Variants in ILDR2 observed in about 807,000 individuals in gnomAD.
ILDR2 encodes immunoglobulin like domain containing receptor 2, also known as immunoglobulin-like domain-containing receptor 2.
ILDR2 carries 25 observed loss-of-function variants against 66.8 expected under a neutral mutation model. That is an observed-to-expected ratio of 0.37 (90% CI 0.27 to 0.52). ILDR2 has a LOEUF of 0.52. Among genes scored for constraint, ILDR2 ranks in the 20% least tolerant of loss-of-function variants. The pLI, the probability that ILDR2 is intolerant of heterozygous loss-of-function variation, is 0.88. For missense variants in ILDR2, 827 were observed against 876.8 expected (o/e 0.94, Z 0.72); for synonymous variants, 367 against 357.2 (o/e 1.03, Z -0.31).
intron 1 of ILDR2, among the ~76,000 whole-genome samples, chr1:166,966,428 G>T (rs942268841): frequency 1.3e-5 from 2 of 152,140 alleles, no homozygotes. Flanking sequence ...AGTCTCAAAA[G>T]CAGCAATATG....
intron 9 of ILDR2, 77 bp downstream of exon 9, chr1:166,920,630 A>G: frequency 7.6e-7 from 1 of 1,314,754 alleles, no homozygotes; most frequent in South Asian, 2.4e-5. Context: ...CCCGGCCCCC[A>G]GACAGCGACA....
chr1:166,955,568 A>G (rs1662228686), intron 3 of ILDR2, among the ~76,000 whole-genome samples: 1 of 152,232 alleles, frequency 6.6e-6, no homozygotes, highest in African/African-American at 2.4e-5. Context: ...GAGCCACTGC[A>G]ATCCATCCTG....
In ILDR2 at chr1:166,920,996, G is replaced by A; in HGVS notation, c.1595C>T (p.Ala532Val). Residue 532 changes from alanine to valine, a missense_variant, in exon 9 of 10, where the codon GCG becomes GTG. Ala to Val is a moderately conservative substitution (Grantham distance 64, BLOSUM62 0). Coordinates refer to ENST00000271417, the MANE Select transcript of ILDR2 (RefSeq NM_199351.3). The part of the protein sequence containing the change: ...PKYDHSYLGS[A>V]RERQARPEGA... ...CTCGGGCCGCGCCTGGCGCTCCCGC[G>A]CGCTGCCCAGGTACGAGTGGTCGTA... The A allele has an allele frequency of 2.0e-6, 3 of 1,499,982 alleles. No homozygotes were observed. Among genetic ancestry groups the A allele is most frequent in the Admixed American group, 2.3e-5 (1 of 43,818 alleles). The allele number at this position is 1,499,982 out of a possible 1,614,324, so 92.9% of individuals were successfully genotyped here. A position where few individuals can be genotyped will look rare whatever the true frequency, so the allele number is the denominator to read the frequency against.
intron 2 of ILDR2, among the ~76,000 whole-genome samples, chr1:166,898,895 A>G (rs570221283): frequency 5.5e-5 from 8 of 146,244 alleles, no homozygotes; most frequent in Admixed American, 2.7e-4. Flanking sequence ...TCCCATCTTA[A>G]AAAAAAAAAA....
Position 166,908,247 on chromosome 1 carries a change from T to C in ILDR2, c.*11108A>G, listed in dbSNP as rs1185107889. On this transcript the variant is annotated 3_prime_UTR_variant, in exon 10 of 10. Transcript: ENST00000271417. Reference sequence around the variant, plus strand: ...TAGAATCTGGGAAGTCCAAGCTCAGTGCACCAATACATTCAGTTCCTGGCG... The same window carrying C: ...TAGAATCTGGGAAGTCCAAGCTCAGCGCACCAATACATTCAGTTCCTGGCG... 6.6e-6 allele frequency: 1 copy of C among 152,246 alleles called. No homozygotes were observed. The highest frequency in any genetic ancestry group is 2.4e-5 in the African/African-American group (1 of 41,452). 9.4% of individuals were successfully genotyped at this position (152,246 alleles called of 1,614,324 possible). A position where few individuals can be genotyped will look rare whatever the true frequency, so the allele number is the denominator to read the frequency against.
Position 166,921,448 on chromosome 1 carries a change from G to GCACCCATC in ILDR2, c.1212-77_1212-70dup, listed in dbSNP as rs1230115439. On this transcript the variant is annotated intron_variant, in intron 8 of 9. Coordinates refer to ENST00000271417, the MANE Select transcript of ILDR2 (RefSeq NM_199351.3). This position sits in a 1 kb window ranked among gnomAD's most constrained non-coding sequence, Gnocchi z 5.3. ...GGAGCTCCAGGTAGGGCTCCCAAGA[G>GCACCCATC]CACCCATCGTGTCCTGGGGCCACGC... 9 of 1,346,940 alleles carry GCACCCATC rather than the reference G, an allele frequency of 6.7e-6. No homozygotes were observed. Among genetic ancestry groups the GCACCCATC allele is most frequent in the Non-Finnish European group, 9.0e-6 (9 of 999,366 alleles). The allele number at this position is 1,346,940 out of a possible 1,614,324, so 83.4% of individuals were successfully genotyped here. A position where few individuals can be genotyped will look rare whatever the true frequency, so the allele number is the denominator to read the frequency against.
At chr1:166,898,232 A>G (rs1474056990) in intron 2 of ILDR2, among the ~76,000 whole-genome samples, 2 of 152,184 alleles carry the variant, frequency 1.3e-5, no homozygotes, top group Non-Finnish European at 2.9e-5. Context: ...GTGCAGGTGG[A>G]ATTCAGGAGA....
At chr1:166,899,551 A>G (rs911741058) in intron 2 of ILDR2, among the ~76,000 whole-genome samples, 20 of 152,210 alleles carry the variant, frequency 1.3e-4, no homozygotes, top group Admixed American at 6.5e-5. Context: ...TTCACTTTAC[A>G]AGCTGACAGG....
Position 166,920,777 on chromosome 1 carries a change from T to C in ILDR2, c.1814A>G (p.Tyr605Cys). Residue 605 changes from tyrosine to cysteine, a missense_variant, in exon 9 of 10, where the codon TAC becomes TGC. Physicochemically the swap from Tyr to Cys is radical, Grantham distance 194. Around this residue, in one of 2 missense-constraint regions of ILDR2, gnomAD observed 390 missense variants for 353.6 expected, o/e 1.10. Coordinates refer to ENST00000271417, the MANE Select transcript of ILDR2 (RefSeq NM_199351.3). ...SELELTRGPS[Y>C]RGRDLPYHSN... ...GTGGTAGGGCAGGTCGCGGCCGCGG[T>C]AGGACGGGCCGCGGGTCAGCTCCAG... The C allele has an allele frequency of 6.6e-7, 1 of 1,517,148 alleles. No individual in the cohort carries two copies. The highest frequency in any genetic ancestry group is 8.8e-7 in the Non-Finnish European group (1 of 1,133,440). 94.0% of individuals were successfully genotyped at this position (1,517,148 alleles called of 1,614,324 possible).
rs775791764 is a variant in ILDR2, at chr1:166,957,781, T to C, written c.367A>G (p.Thr123Ala). The change falls in exon 2 of 10, where the codon ACG becomes GCG. Residue 123 changes from threonine (T) to alanine (A), a missense_variant. By Grantham distance (58) the Thr-to-Ala change is moderately conservative (BLOSUM62 0). This residue lies in a region of ILDR2 where 437 missense variants were observed against 523.2 expected (regional missense o/e 0.84). Transcript: ENST00000271417. ...LGDFYRGREI[T>A]IVHDADLQIG... is the part of the protein sequence containing the mutation. ...GGGGCATTATTACCATGAACAATCG[T>C]GATCTCTCTGCCCCTGTAGAAATCT... The C allele has an allele frequency of 6.2e-7, 1 of 1,610,744 alleles. No homozygotes were observed. Among genetic ancestry groups the C allele is most frequent in the Non-Finnish European group, 8.5e-7 (1 of 1,177,292 alleles).
downstream of ILDR2, among the ~76,000 whole-genome samples, chr1:166,905,641 T>C (rs1467237865): frequency 6.6e-6 from 1 of 152,212 alleles, no homozygotes; most frequent in East Asian, 1.9e-4. Flanking sequence ...CTTATACTTT[T>C]TTATGGTTCT....
intron 2 of ILDR2, among the ~76,000 whole-genome samples, chr1:166,898,156 A>T (rs1318103723): frequency 1.3e-5 from 2 of 152,136 alleles, no homozygotes; most frequent in Non-Finnish European, 2.9e-5. Context: ...TGGGGCACGA[A>T]TTTGGTATCA....
chr1:166,929,880 G>GATT (rs374019162), intron 6 of ILDR2, among the ~76,000 whole-genome samples: 2 of 152,070 alleles, frequency 1.3e-5, no homozygotes, highest in Non-Finnish European at 2.9e-5. Context: ...TGGGTATCAT[G>GATT]ATTATTATTA....
rs1406078815 is a variant in ILDR2, at chr1:166,909,516, A to G, written c.*9839T>C. ...ATTTGCAACCAAAAATTTTTTTACTAATACAGCTGCCAAAGGAATGAAACA... is the reference window on the plus strand; with the variant it reads ...ATTTGCAACCAAAAATTTTTTTACTGATACAGCTGCCAAAGGAATGAAACA... On this transcript the variant is annotated 3_prime_UTR_variant, in exon 10 of 10. Transcript: ENST00000271417. The G allele has an allele frequency of 6.6e-6, 1 of 151,530 alleles. No homozygotes were observed. Among genetic ancestry groups the G allele is most frequent in the Non-Finnish European group, 1.5e-5 (1 of 67,956 alleles). The allele number at this position is 151,530 out of a possible 1,614,324, so 9.4% of individuals were successfully genotyped here.
chr1:166,965,347 G>T (rs1330536507), intron 1 of ILDR2, among the ~76,000 whole-genome samples: 1 of 152,076 alleles, frequency 6.6e-6, no homozygotes, highest in African/African-American at 2.4e-5. Context: ...CATAGCCTGA[G>T]GGTAATTTTA....
intron 7 of ILDR2, among the ~76,000 whole-genome samples, chr1:166,924,693 T>TA (rs1660169966): frequency 6.6e-6 from 1 of 152,172 alleles, no homozygotes; most frequent in African/African-American, 2.4e-5. Context: ...TTGGCATGGC[T>TA]ATATTCCAAT....
intron 1 of ILDR2, among the ~76,000 whole-genome samples, chr1:166,966,499 G>A (rs1662957869): frequency 6.6e-6 from 1 of 152,148 alleles, no homozygotes; most frequent in South Asian, 2.1e-4. Context: ...GTGGATTTTT[G>A]CTCATGGCAT....
chr1:166,945,217 A>G (rs1202583797), intron 3 of ILDR2, among the ~76,000 whole-genome samples: 1 of 152,188 alleles, frequency 6.6e-6, no homozygotes, highest in Non-Finnish European at 1.5e-5. Flanking sequence ...AGTCATTGGA[A>G]TATCCCCAAA....
intron 3 of ILDR2, among the ~76,000 whole-genome samples, chr1:166,950,877 C>T (rs142445737): frequency 2.0e-5 from 3 of 152,206 alleles, no homozygotes; most frequent in Non-Finnish European, 4.4e-5. Flanking sequence ...ATTCTGTGGG[C>T]TTACATTCAT....
Sources: allele counts gnomAD v4.1 joint callset (sites outside exome capture counted in the v4.1 genomes callset), GRCh38; gene constraint gnomAD v4.1.1; regional missense constraint gnomAD v4.1.1; non-coding constraint Gnocchi (gnomAD v3.1); transcripts MANE v1.5; gene names NCBI Gene and HGNC (gene_info 2026-07-23, HGNC 2026-07-21).